The following RNF138 variants were observed in gnomAD, a reference collection of about 807,000 sequenced individuals.
RNF138 encodes the protein E3 ubiquitin-protein ligase RNF138.
RNF138 carries 12 observed loss-of-function variants against 31.0 expected under a neutral mutation model. The ratio of observed to expected loss-of-function variants is 0.39; its 90% confidence interval spans 0.25 to 0.63. The LOEUF is 0.63. RNF138 is among the 20% of genes least tolerant of loss of function. RNF138 has a pLI of 0.52. For synonymous variants in RNF138, 105 were observed against 99.5 expected (o/e 1.06, Z -0.33); for missense variants, 192 against 300.1 (o/e 0.64, Z 2.66).
chr18:32,096,906 AT>A (rs963396102), intron 2 of RNF138, among the ~76,000 whole-genome samples: 7 of 152,052 alleles, frequency 4.6e-5, no homozygotes, highest in African/African-American at 1.7e-4. Context: ...ATTAAAAAAA[AT>A]TTTTTTGTAG....
chr18:32,125,000 G>A, intron 6 of RNF138, 155 bp downstream of exon 6: 1 of 555,930 alleles, frequency 1.8e-6, no homozygotes, highest in Non-Finnish European at 3.2e-6. Context: ...TGATGACTGT[G>A]AAGCAAAATG....
intron 4 of RNF138, among the ~76,000 whole-genome samples, chr18:32,121,086 G>A (rs548093093): frequency 4.0e-5 from 6 of 151,166 alleles, no homozygotes; most frequent in South Asian, 2.1e-4. Flanking sequence ...AATTAGCCGC[G>A]ATCGCGCCGC....
chr18:32,103,660 T>C (rs2039979546), intron 2 of RNF138, among the ~76,000 whole-genome samples: 1 of 152,162 alleles, frequency 6.6e-6, no homozygotes, highest in South Asian at 2.1e-4. Context: ...AGAGTACATG[T>C]TGAGCTTTTG....
intron 7 of RNF138, among the ~76,000 whole-genome samples, chr18:32,128,327 C>T (rs2040416354): frequency 6.6e-6 from 1 of 152,220 alleles, no homozygotes; most frequent in Admixed American, 6.5e-5. Context: ...CACCTGAGGT[C>T]AGCAGTTCAA....
rs2039802742 is a variant in RNF138, at chr18:32,096,258, GT to G, written c.110+3376del. The stretch of plus-strand genomic sequence containing the variant: ...TTAGAAAGTTTACCTTCATAGCAGG[GT>G]TTTCAGCTTGGTAGTGGTGAGACTA... On this transcript the variant is annotated intron_variant, in intron 2 of 7. Coordinates refer to ENST00000261593, the MANE Select transcript of RNF138 (RefSeq NM_016271.5). Among the ~76,000 whole-genome samples, 3 of 152,190 alleles carry G rather than the reference GT, an allele frequency of 2.0e-5. No individual in the cohort carries two copies. The South Asian group carries it at 6.2e-4, about 31-fold the overall frequency.
intron 2 of RNF138, among the ~76,000 whole-genome samples, chr18:32,106,958 A>T (rs1422788562): frequency 6.6e-6 from 1 of 151,956 alleles, no homozygotes; most frequent in African/African-American, 2.4e-5. Context: ...TATTCTGCTG[A>T]CATATTTTTT....
intron 2 of RNF138, among the ~76,000 whole-genome samples, chr18:32,101,812 T>G (rs75915001): frequency 0.018 from 2,733 of 152,318 alleles, 33 homozygotes; most frequent in Middle Eastern, 0.037. Flanking sequence ...TTCATAGTGG[T>G]GTCTAGAAGT....
chr18:32,096,322 G>T (rs2039804158), intron 2 of RNF138, among the ~76,000 whole-genome samples: 1 of 152,126 alleles, frequency 6.6e-6, no homozygotes, highest in South Asian at 2.1e-4. Context: ...GTCAGGGAGA[G>T]AAATGATTAG....
chr18:32,109,982 A>C (rs1394886143), intron 2 of RNF138, among the ~76,000 whole-genome samples: 1 of 152,058 alleles, frequency 6.6e-6, no homozygotes, highest in Non-Finnish European at 1.5e-5. Flanking sequence ...TATGGTAAAT[A>C]TTTTTAATTG....
At chr18:32,128,083 A>AAAGAG (rs1374972979) in intron 7 of RNF138, among the ~76,000 whole-genome samples, 2 of 151,994 alleles carry the variant, frequency 1.3e-5, no homozygotes, top group African/African-American at 4.8e-5. Context: ...CCGTCTCAAA[A>AAAGAG]AAGAAAAGTA....
chr18:32,094,744 G>A (rs2039774171), intron 2 of RNF138, among the ~76,000 whole-genome samples: 1 of 152,072 alleles, frequency 6.6e-6, no homozygotes, highest in Admixed American at 6.6e-5. Flanking sequence ...AGGGAGGGAG[G>A]AGAGCAAGGT....
Position 32,092,789 on chromosome 18 carries a change from C to G in RNF138, c.13C>G (p.Leu5Val). ...CCCATCCCCCGCCATGGCCGAGGACCTCTCTGCGGCCACGTCCTACACCGA... is the reference window on the plus strand; with the variant it reads ...CCCATCCCCCGCCATGGCCGAGGACGTCTCTGCGGCCACGTCCTACACCGA... Reference protein sequence around the residue: MAEDLSAATSYTEDD... With the variant: MAEDVSAATSYTEDD... The change falls in exon 2 of 8, where the codon CTC becomes GTC. Residue 5 changes from leucine (L) to valine (V), a missense_variant. Leu to Val is a conservative substitution (Grantham distance 32). This residue lies in a region of RNF138 where 52 missense variants were observed against 48.4 expected (regional missense o/e 1.07). Coordinates refer to ENST00000261593, the MANE Select transcript of RNF138 (RefSeq NM_016271.5). The G allele has an allele frequency of 6.3e-7, 1 of 1,586,556 alleles. No individual in the cohort carries two copies. Among genetic ancestry groups the G allele is most frequent in the Non-Finnish European group, 8.5e-7 (1 of 1,169,596 alleles).
chr18:32,111,013 C>G (rs1233275154), intron 2 of RNF138, among the ~76,000 whole-genome samples: 1 of 152,192 alleles, frequency 6.6e-6, no homozygotes, highest in Non-Finnish European at 1.5e-5. Context: ...ATCTCCTGAC[C>G]ACGTGATCCG....
At chr18:32,112,795 C>G (rs1193859634) in intron 3 of RNF138, among the ~76,000 whole-genome samples, 1 of 152,154 alleles carries the variant, frequency 6.6e-6, no homozygotes, top group African/African-American at 2.4e-5. Flanking sequence ...GGATTTTATT[C>G]TATCATTTGG....
intron 2 of RNF138, among the ~76,000 whole-genome samples, chr18:32,107,181 C>T (rs1391711242): frequency 3.2e-5 from 4 of 126,022 alleles, no homozygotes; most frequent in East Asian, 2.5e-4. Context: ...AGTGCAGTGG[C>T]GCGATCTCGG....
chr18:32,115,931 A>C (rs1345637619), intron 4 of RNF138, among the ~76,000 whole-genome samples: 2 of 152,092 alleles, frequency 1.3e-5, no homozygotes, highest in African/African-American at 4.8e-5. Flanking sequence ...AAACAGTATG[A>C]CTGTGGTTAA....
chr18:32,110,245 G>A (rs1282808727), intron 2 of RNF138, among the ~76,000 whole-genome samples: 2 of 152,094 alleles, frequency 1.3e-5, no homozygotes, highest in Non-Finnish European at 2.9e-5. Context: ...CTCCTGCCTT[G>A]TCCTCCCAAA....
chr18:32,120,480 T>A (rs529337877), intron 4 of RNF138, among the ~76,000 whole-genome samples: 1 of 152,212 alleles, frequency 6.6e-6, no homozygotes, highest in Admixed American at 6.5e-5. Context: ...AAATAATTTT[T>A]TGTTTTTGTT....
At chr18:32,099,022 GA>G (rs1217755026) in intron 2 of RNF138, among the ~76,000 whole-genome samples, 1 of 151,856 alleles carries the variant, frequency 6.6e-6, no homozygotes, top group African/African-American at 2.4e-5. Flanking sequence ...CTGAAATTGG[GA>G]GCATGATGAG....
Sources: allele counts gnomAD v4.1 joint callset (sites outside exome capture counted in the v4.1 genomes callset), GRCh38; gene constraint gnomAD v4.1.1; regional missense constraint gnomAD v4.1.1; transcripts MANE v1.5; gene names NCBI Gene and HGNC (gene_info 2026-07-23, HGNC 2026-07-21).